Variants in OSTC observed in about 807,000 individuals in gnomAD.
OSTC encodes oligosaccharyltransferase complex non-catalytic subunit.
A neutral mutation model predicts 16.4 loss-of-function variants in OSTC; 16 were observed. The ratio of observed to expected loss-of-function variants is 0.98; its 90% CI spans 0.66 to 1.49. OSTC has a LOEUF of 1.49. OSTC is among the 40% of genes most tolerant of loss of function. OSTC has a pLI of 0.00. For missense variants in OSTC, 139 were observed against 186.3 expected (o/e 0.75, Z 1.48); for synonymous variants, 67 against 68.5 (o/e 0.98, Z 0.11).
Position 108,660,982 on chromosome 4 carries a change from C to T in OSTC, c.431+3335C>T, listed in dbSNP as rs1052449579. Among the ~76,000 whole-genome samples, 25 of 151,844 alleles carry T rather than the reference C, an allele frequency of 1.6e-4. 1 individual carries two copies. Among genetic ancestry groups the T allele is most frequent in the African/African-American group, 4.8e-4 (20 of 41,308 alleles). On this transcript the variant is annotated intron_variant, in intron 3 of 3. Transcript: ENST00000361564. ...CTGTAATCCCAGCATTTTGGGAGGC[C>T]GAGGTGTGCAGATCACTTGAGGTCA... is the stretch of plus-strand genomic sequence containing the variant.
rs112793177 is a variant in OSTC, at chr4:108,658,223, C to T, written c.431+576C>T. Among the ~76,000 whole-genome samples, 780 of 152,070 alleles carry T rather than the reference C, an allele frequency of 5.1e-3. 8 individuals carry two copies. Among genetic ancestry groups the T allele is most frequent in the African/African-American group, 0.018 (741 of 41,482 alleles). On this transcript the variant is annotated intron_variant, in intron 3 of 3. Transcript: ENST00000361564. ...CTGGGATTATAGGCATGAGCTACGG[C>T]GCCCAGCTGTCACTGTTACTTTAAA...
chr4:108,655,474 G>C, intron 1 of OSTC, 90 bp from the exon 2 acceptor site: 1 of 444,652 alleles, frequency 2.2e-6, no homozygotes, highest in Non-Finnish European at 3.5e-6. Context: ...CTCAAAAAAA[G>C]TAAATGAACC....
At chr4:108,657,722 G>A in intron 3 of OSTC, 75 bp downstream of exon 3, 1 of 1,305,072 alleles carries the variant, frequency 7.7e-7, no homozygotes, top group Non-Finnish European at 1.1e-6. Context: ...AAAGTCATAG[G>A]ACATTTAATT....
intron 3 of OSTC, among the ~76,000 whole-genome samples, chr4:108,663,850 A>C (rs1726926668): frequency 1.3e-5 from 2 of 152,202 alleles, no homozygotes; most frequent in African/African-American, 4.8e-5. Flanking sequence ...TTAAAGATTA[A>C]ATAGAAGGTC....
At chr4:108,662,682 T>C (rs917416786) in intron 3 of OSTC, among the ~76,000 whole-genome samples, 1 of 152,222 alleles carries the variant, frequency 6.6e-6, no homozygotes, top group Non-Finnish European at 1.5e-5. Context: ...CAGTTCTGGC[T>C]GAAGGAGAGC....
chr4:108,651,203 C>T (rs1433491475), intron 1 of OSTC: 2 of 173,140 alleles, frequency 1.2e-5, no homozygotes, highest in Admixed American at 1.1e-4. Context: ...ATTTGGCCAA[C>T]TCCGCTTCCA....
intron 1 of OSTC, among the ~76,000 whole-genome samples, chr4:108,654,508 T>C (rs1252410452): frequency 6.6e-6 from 1 of 152,208 alleles, no homozygotes; most frequent in African/African-American, 2.4e-5. Context: ...GGTGGGAATC[T>C]TCCTCTTTGT....
At chr4:108,652,486 T>G (rs1157785900) in intron 1 of OSTC, among the ~76,000 whole-genome samples, 1 of 152,072 alleles carries the variant, frequency 6.6e-6, no homozygotes, top group Non-Finnish European at 1.5e-5. Context: ...AGTGGCCAGG[T>G]CTATGAGGTA....
chr4:108,654,658 GGA>G (rs761820588), intron 1 of OSTC, among the ~76,000 whole-genome samples: 46 of 152,188 alleles, frequency 3.0e-4, no homozygotes, highest in Non-Finnish European at 6.0e-4. Flanking sequence ...AAGAAAAGCT[GGA>G]GATGAAGATG....
chr4:108,652,990 G>A (rs1002152266), intron 1 of OSTC, among the ~76,000 whole-genome samples: 3 of 152,126 alleles, frequency 2.0e-5, no homozygotes, highest in African/African-American at 7.2e-5. Context: ...AGTGAGCCGA[G>A]ATGGTGCCAC....
intron 1 of OSTC, among the ~76,000 whole-genome samples, chr4:108,652,968 G>T (rs1292614535): frequency 6.6e-6 from 1 of 152,162 alleles, no homozygotes; most frequent in Admixed American, 6.5e-5. Flanking sequence ...GTACCCGGGA[G>T]GTGAAGGTTG....
intron 3 of OSTC, among the ~76,000 whole-genome samples, chr4:108,659,011 CATT>C (rs1180273821): frequency 8.1e-6 from 1 of 123,664 alleles, no homozygotes; most frequent in Non-Finnish European, 1.6e-5. Context: ...TGGAGTCTCA[CATT>C]ATTGCCCAGG....
chr4:108,655,883 TA>T (rs1464776502), intron 2 of OSTC, among the ~76,000 whole-genome samples: 1 of 152,194 alleles, frequency 6.6e-6, no homozygotes, highest in Non-Finnish European at 1.5e-5. Flanking sequence ...CAATTTACAG[TA>T]GGGTGTCAGT....
chr4:108,657,614 T>C lies in OSTC; in HGVS notation c.398T>C (p.Phe133Ser). The change falls in exon 3 of 4, where the codon TTC (phenylalanine) becomes TCC (serine). Residue 133 changes from phenylalanine (F) to serine (S), a missense_variant. By Grantham distance (155) the Phe-to-Ser change is radical. Coordinates refer to ENST00000361564, the MANE Select transcript of OSTC (RefSeq NM_021227.4). ...IGFVCVLLSF[F>S]MARVFMRMKL... Reference sequence around the variant, plus strand: ...TTCGTCTGTGTCCTATTGAGTTTTTTCATGGCTAGAGTATTCATGAGAATG... The same window carrying C: ...TTCGTCTGTGTCCTATTGAGTTTTTCCATGGCTAGAGTATTCATGAGAATG... 2 of 1,613,680 alleles carry C rather than the reference T, an allele frequency of 1.2e-6. No individual in the cohort carries two copies. The highest frequency in any genetic ancestry group is 1.7e-6 in the Non-Finnish European group (2 of 1,179,706).
At chr4:108,661,419 G>A (rs1444606468) in intron 3 of OSTC, among the ~76,000 whole-genome samples, 2 of 152,060 alleles carry the variant, frequency 1.3e-5, no homozygotes, top group Non-Finnish European at 2.9e-5. Context: ...GTATGCGTCT[G>A]TATGTTCACT....
intron 3 of OSTC, among the ~76,000 whole-genome samples, chr4:108,661,173 G>A (rs909233789): frequency 6.8e-6 from 1 of 147,442 alleles, no homozygotes; most frequent in East Asian, 2.0e-4. Context: ...AGTCGAAATT[G>A]TGCCACTGCA....
chr4:108,650,737 C>T lies in OSTC; in HGVS notation c.82C>T (p.Pro28Ser), dbSNP rs1346785415. ...KLKKPPWLHM[P>S]SAMTVYALVV... ...GAAGAAGCCGCCCTGGTTGCACATG[C>T]CGTCGGCCATGACTGTGTATGCTCT... Residue 28 changes from proline to serine, a missense_variant, in exon 1 of 4, where the codon CCG becomes TCG. Coordinates refer to ENST00000361564, the MANE Select transcript of OSTC (RefSeq NM_021227.4). The T allele has an allele frequency of 1.9e-6, 3 of 1,614,230 alleles. No homozygotes were observed. Among genetic ancestry groups the T allele is most frequent in the African/African-American group, 2.7e-5 (2 of 75,068 alleles).
At chr4:108,665,290 A>C (rs1726964707) in intron 3 of OSTC, among the ~76,000 whole-genome samples, 2 of 152,216 alleles carry the variant, frequency 1.3e-5, no homozygotes, top group African/African-American at 4.8e-5. Flanking sequence ...CTATATGAGT[A>C]GATTCTCTTA....
intron 1 of OSTC, among the ~76,000 whole-genome samples, chr4:108,653,226 T>C (rs892120797): frequency 6.6e-6 from 1 of 152,062 alleles, no homozygotes; most frequent in South Asian, 2.1e-4. Flanking sequence ...CCCGACCCTC[T>C]CTCAAAAAAT....
Sources: gnomAD v4.1 joint callset for allele counts (sites outside exome capture counted in the v4.1 genomes callset) on GRCh38, gnomAD v4.1.1 for gene constraint, MANE v1.5 for transcripts, NCBI Gene and HGNC (gene_info 2026-07-23, HGNC 2026-07-21) for gene names.